Variants in TSNARE1 observed in about 807,000 individuals in gnomAD.
The protein encoded by TSNARE1 is t-SNARE domain containing 1.
Under a neutral mutation model 62.0 loss-of-function variants are expected in TSNARE1, and 49 were observed. The observed-to-expected ratio is 0.79, with a 90% confidence interval of 0.63 to 1.00. The LOEUF is 1.00. TSNARE1 is among the 50% of genes least tolerant of loss of function. The pLI is 0.00. For missense variants in TSNARE1, 755 were observed against 700.1 expected (o/e 1.08, Z -0.88); for synonymous variants, 328 against 294.4 (o/e 1.11, Z -1.17).
chr8:142,340,979 G>A (rs1437873393), intron 4 of TSNARE1, among the ~76,000 whole-genome samples: 3 of 152,238 alleles, frequency 2.0e-5, no homozygotes, highest in Non-Finnish European at 4.4e-5. Flanking sequence ...TACACTTTAG[G>A]GAGCCTGTTT....
In TSNARE1 at chr8:142,318,570, C is replaced by T. The variant is rs748972129; in HGVS notation, c.958G>A (p.Ala320Thr). The T allele has an allele frequency of 1.2e-6, 2 of 1,613,508 alleles. No homozygotes were observed. The highest frequency in any genetic ancestry group is 2.2e-5 in the East Asian group (1 of 44,854). ...AASASSVKQM[A>T]ELLRSSCPQE... ...GGGCAGGAGCTGCGCAGCAGCTCGG[C>T]CATCTGCTTCACGGAGCTGGCGCTG... Residue 320 changes from alanine (A) to threonine (T), a missense_variant, in exon 7 of 14, where the codon GCC (alanine) becomes ACC (threonine). Physicochemically the swap from Ala to Thr is moderately conservative, Grantham distance 58. Coordinates refer to ENST00000524325, the MANE Select transcript of TSNARE1 (RefSeq NM_145003.5).
At chr8:142,233,259 C>G (rs760026498) in intron 12 of TSNARE1, among the ~76,000 whole-genome samples, 1 of 152,338 alleles carries the variant, frequency 6.6e-6, no homozygotes. Context: ...GCACGAAGAG[C>G]TGGCACAGCT....
At chr8:142,282,244 G>A (rs903703850) in intron 11 of TSNARE1, among the ~76,000 whole-genome samples, 1 of 151,900 alleles carries the variant, frequency 6.6e-6, no homozygotes, top group Admixed American at 6.6e-5. Flanking sequence ...ATCCATAGCA[G>A]AACCAGAGCT....
chr8:142,269,950 C>A, intron 12 of TSNARE1: 1 of 985,470 alleles, frequency 1.0e-6, no homozygotes, highest in Non-Finnish European at 1.2e-6. Context: ...TCTCCCTGCT[C>A]TCAGGGATGC....
At chr8:142,275,087 AG>A (rs1820233744) in intron 11 of TSNARE1, 1 of 985,276 alleles carries the variant, frequency 1.0e-6, no homozygotes, top group African/African-American at 1.7e-5. Flanking sequence ...GGCCCAGGGA[AG>A]GGGACTCCTC....
At chr8:142,361,724 A>G (rs1435820492) in intron 1 of TSNARE1, among the ~76,000 whole-genome samples, 1 of 151,766 alleles carries the variant, frequency 6.6e-6, no homozygotes, top group Non-Finnish European at 1.5e-5. Flanking sequence ...CTACCTTCAC[A>G]CTCCCTAAAT....
Position 142,300,660 on chromosome 8 carries a change from A to C in TSNARE1, c.1132-16T>G. 6.2e-7 allele frequency: 1 copy of C among 1,608,650 alleles called. No individual in the cohort carries two copies. The highest frequency in any genetic ancestry group is 8.5e-7 in the Non-Finnish European group (1 of 1,176,966). On this transcript the variant is annotated splice_polypyrimidine_tract_variant and intron_variant, in intron 9 of 13. Transcript: ENST00000524325. ...CCTGGGGACTCTGCTGATGACAGACAGATCTTGTTAGCACTGACCCCTCCC... is the reference window on the plus strand; with the variant it reads ...CCTGGGGACTCTGCTGATGACAGACCGATCTTGTTAGCACTGACCCCTCCC...
At chr8:142,285,897 C>G (rs1792029566) in intron 10 of TSNARE1, among the ~76,000 whole-genome samples, 1 of 152,204 alleles carries the variant, frequency 6.6e-6, no homozygotes, top group African/African-American at 2.4e-5. Context: ...GTGCTTCAGG[C>G]AAGGCACATA....
At chr8:142,278,706 G>A (rs1820908488) in intron 11 of TSNARE1, 1 of 985,350 alleles carries the variant, frequency 1.0e-6, no homozygotes, top group Non-Finnish European at 1.2e-6. Context: ...CTGGCTTCCG[G>A]TGGTCCCTGG....
At chr8:142,393,144 G>C (rs1378559325) in intron 1 of TSNARE1, among the ~76,000 whole-genome samples, 2 of 152,142 alleles carry the variant, frequency 1.3e-5, no homozygotes, top group Admixed American at 1.3e-4. Context: ...CGTGGAACAG[G>C]CCTCTCAGCA....
chr8:142,332,414 G>A (rs1831186834), intron 4 of TSNARE1, among the ~76,000 whole-genome samples: 2 of 152,200 alleles, frequency 1.3e-5, no homozygotes, highest in Admixed American at 6.5e-5. Context: ...AGGGAGGAAT[G>A]GGCATGACTG....
intron 1 of TSNARE1, among the ~76,000 whole-genome samples, chr8:142,397,172 G>A (rs949186992): frequency 6.7e-6 from 1 of 149,100 alleles, no homozygotes; most frequent in Non-Finnish European, 1.5e-5. Context: ...TCACAGGAGA[G>A]AGGCAGCTCC....
intron 7 of TSNARE1, 69 bp downstream of exon 7, chr8:142,318,475 C>T (rs1159088476): frequency 4.7e-6 from 7 of 1,482,850 alleles, no homozygotes; most frequent in African/African-American, 2.8e-5. Flanking sequence ...GTGTGACATC[C>T]CTGCTCCCAT....
intron 7 of TSNARE1, among the ~76,000 whole-genome samples, chr8:142,315,312 C>T (rs2131627151): frequency 6.6e-6 from 1 of 152,350 alleles, no homozygotes; most frequent in Non-Finnish European, 1.5e-5. Context: ...GTCAACACCA[C>T]CTGCCGGAGC....
intron 6 of TSNARE1, among the ~76,000 whole-genome samples, chr8:142,325,312 T>C (rs1363021472): frequency 6.6e-6 from 1 of 152,160 alleles, no homozygotes; most frequent in Admixed American, 6.5e-5. Context: ...GGTTTTACTT[T>C]ACAGGGAGGG....
At chr8:142,268,704 A>T (rs999992980) in intron 12 of TSNARE1, among the ~76,000 whole-genome samples, 1 of 152,140 alleles carries the variant, frequency 6.6e-6, no homozygotes, top group Non-Finnish European at 1.5e-5. Flanking sequence ...GCAGGCAGAG[A>T]TCTCCTTCAA....
chr8:142,396,540 C>T lies in TSNARE1; in HGVS notation c.-40+6564G>A, dbSNP rs114700422. Among the ~76,000 whole-genome samples, 1,047 of 152,288 alleles carry T rather than the reference C, an allele frequency of 6.9e-3. 12 individuals are homozygous for T. The highest frequency in any genetic ancestry group is 0.024 in the African/African-American group (997 of 41,566). On this transcript the variant is annotated intron_variant, in intron 1 of 13. Coordinates refer to ENST00000524325, the MANE Select transcript of TSNARE1 (RefSeq NM_145003.5). ...AGGTCTTTATTAGTGCAGTAATTGC[C>T]ATTATTAATAACATCCTCTAACTCA...
Position 142,305,002 on chromosome 8 carries a change from G to A in TSNARE1, c.1132-4358C>T, listed in dbSNP as rs556479695. Reference sequence around the variant, plus strand: ...CAAACTTTTGAGGTAAGAGGTCCCCGGGGCAGCCCGGCTGGTGTGCCCGAG... The same window carrying A: ...CAAACTTTTGAGGTAAGAGGTCCCCAGGGCAGCCCGGCTGGTGTGCCCGAG... On this transcript the variant is annotated intron_variant, in intron 9 of 13. Coordinates refer to ENST00000524325, the MANE Select transcript of TSNARE1 (RefSeq NM_145003.5). Among the ~76,000 whole-genome samples, 9 of 152,292 alleles carry A rather than the reference G, an allele frequency of 5.9e-5. No individual in the cohort carries two copies. In the South Asian group the frequency reaches 8.3e-4, roughly 14 times the overall value.
chr8:142,275,028 G>A (rs895376616), intron 11 of TSNARE1, 165 bp from the exon 12 acceptor site: 10 of 985,446 alleles, frequency 1.0e-5, no homozygotes, highest in African/African-American at 1.7e-5. Context: ...AGGGCTCCGC[G>A]TGGTGTGGGC....
Sources: allele counts gnomAD v4.1 joint callset (sites outside exome capture counted in the v4.1 genomes callset), GRCh38; gene constraint gnomAD v4.1.1; transcripts MANE v1.5; gene names NCBI Gene and HGNC (gene_info 2026-07-23, HGNC 2026-07-21).